The following CNTNAP4 variants were observed in gnomAD, a reference collection of about 807,000 sequenced individuals.
CNTNAP4 encodes the protein contactin associated protein family member 4, also known as contactin-associated protein-like 4.
In CNTNAP4, 98 loss-of-function variants were observed where a neutral mutation model predicts 148.4. That is an observed-to-expected ratio of 0.66 (90% CI 0.56 to 0.78). The LOEUF (loss-of-function observed/expected upper bound fraction) is 0.78, where lower values mean the gene tolerates loss of function less well. Ranked by LOEUF, CNTNAP4 falls within the 30% of genes least tolerant of loss-of-function variation. The pLI, the probability that CNTNAP4 is intolerant of heterozygous loss-of-function variation, is 0.00. For missense variants in CNTNAP4, 1,935 were observed against 1,565.6 expected (o/e 1.24, Z -3.98); for synonymous variants, 730 against 565.1 (o/e 1.29, Z -4.14).
At chr16:76,348,889 T>C (rs544274127) in intron 2 of CNTNAP4, among the ~76,000 whole-genome samples, 2 of 151,318 alleles carry the variant, frequency 1.3e-5, no homozygotes, top group Admixed American at 1.3e-4. Context: ...TCAAGAGAAG[T>C]TTTTTTTCTT....
intron 12 of CNTNAP4, among the ~76,000 whole-genome samples, chr16:76,484,226 A>G (rs146600146): frequency 0.016 from 2,015 of 124,456 alleles, 28 homozygotes; most frequent in Middle Eastern, 0.042. Context: ...AGGAGCTTAG[A>G]TTTTGAAATG....
At chr16:76,472,856 A>C (rs1286356380) in intron 10 of CNTNAP4, among the ~76,000 whole-genome samples, 2 of 152,120 alleles carry the variant, frequency 1.3e-5, no homozygotes. Flanking sequence ...AATGGGTACT[A>C]AGCTTTATAC....
At position 76,305,360 on chromosome 16, in the gene CNTNAP4, T is replaced by C. The variant is rs146819662; in HGVS notation, c.86-11053T>C. ...TTGAAGAACTAGATCGTAGATTGATTGATTTTGTTGTTATTGCATTTTCTA... is the reference window on the plus strand; with the variant it reads ...TTGAAGAACTAGATCGTAGATTGATCGATTTTGTTGTTATTGCATTTTCTA... On this transcript the variant is annotated intron_variant, in intron 1 of 23. Transcript: ENST00000611870. Among the ~76,000 whole-genome samples, 808 of 152,300 alleles carry C rather than the reference T, an allele frequency of 5.3e-3. 4 individuals are homozygous for C. Among genetic ancestry groups the C allele is most frequent in the African/African-American group, 0.019 (770 of 41,564 alleles).
At position 76,544,209 on chromosome 16, in the gene CNTNAP4, C is replaced by T. The variant is rs1377486582; in HGVS notation, c.3442+3419C>T. 6.6e-5 allele frequency among the ~76,000 whole-genome samples: 10 copies of T among 150,914 alleles called. 1 individual carries two copies. Reference sequence around the variant, plus strand: ...CTAAGGGAGTAGCATATAAACATTGCCTTTTTTTTTTTTGGAGTTGTAATT... The same window carrying T: ...CTAAGGGAGTAGCATATAAACATTGTCTTTTTTTTTTTTGGAGTTGTAATT... On this transcript the variant is annotated intron_variant, in intron 21 of 23. Coordinates refer to ENST00000611870, the MANE Select transcript of CNTNAP4 (RefSeq NM_033401.5).
chr16:76,549,972 A>T (rs1210268377), intron 21 of CNTNAP4, among the ~76,000 whole-genome samples: 3 of 152,250 alleles, frequency 2.0e-5, no homozygotes, highest in African/African-American at 7.2e-5. Context: ...ATCATGTTCT[A>T]TGCAGAATAC....
chr16:76,317,023 T>C (rs2144097722), intron 2 of CNTNAP4, among the ~76,000 whole-genome samples: 1 of 152,168 alleles, frequency 6.6e-6, no homozygotes, highest in East Asian at 1.9e-4. Context: ...GCCAACACTT[T>C]AGGAGGCTGA....
At chr16:76,406,891 T>A (rs2078615943) in intron 3 of CNTNAP4, among the ~76,000 whole-genome samples, 1 of 152,160 alleles carries the variant, frequency 6.6e-6, no homozygotes, top group South Asian at 2.1e-4. Context: ...ATCCTTAGGA[T>A]GAAGCTGCAG....
chr16:76,348,880 C>T (rs1335567233), intron 2 of CNTNAP4, among the ~76,000 whole-genome samples: 1 of 150,760 alleles, frequency 6.6e-6, no homozygotes, highest in Non-Finnish European at 1.5e-5. Context: ...AGAATGGGGT[C>T]AAGAGAAGTT....
intron 15 of CNTNAP4, among the ~76,000 whole-genome samples, 171 bp from the exon 16 acceptor site, chr16:76,520,969 A>G (rs1037016761): frequency 3.3e-5 from 5 of 152,168 alleles, no homozygotes; most frequent in Non-Finnish European, 4.4e-5. Context: ...CTCTTATGAT[A>G]TACTCATATC....
chr16:76,495,537 T>C (rs1249499737), intron 14 of CNTNAP4, among the ~76,000 whole-genome samples: 3 of 152,080 alleles, frequency 2.0e-5, no homozygotes, highest in African/African-American at 7.2e-5. Flanking sequence ...CTGTGGATTA[T>C]ATTTTGAAAA....
chr16:76,443,347 C>T (rs1253193628), intron 4 of CNTNAP4, among the ~76,000 whole-genome samples: 3 of 152,054 alleles, frequency 2.0e-5, no homozygotes, highest in Non-Finnish European at 4.4e-5. Flanking sequence ...TCTACTTTTC[C>T]TATTTATACA....
At chr16:76,441,025 G>A (rs1313201376) in intron 4 of CNTNAP4, among the ~76,000 whole-genome samples, 1 of 152,028 alleles carries the variant, frequency 6.6e-6, no homozygotes, top group Middle Eastern at 3.2e-3. Flanking sequence ...TGCTCAAGAA[G>A]GTAAAGCGTT....
chr16:76,297,893 A>T (rs1038308499), intron 1 of CNTNAP4, among the ~76,000 whole-genome samples: 1 of 152,212 alleles, frequency 6.6e-6, no homozygotes, highest in Non-Finnish European at 1.5e-5. Context: ...CTAAATTAGA[A>T]TCAGAAATAG....
intron 23 of CNTNAP4, 101 bp downstream of exon 23, chr16:76,554,008 A>G: frequency 1.4e-6 from 1 of 713,050 alleles, no homozygotes; most frequent in Non-Finnish European, 2.4e-6. Context: ...CACATACTCC[A>G]AGTGCCAGGC....
At chr16:76,514,924 T>C (rs1348780048) in intron 15 of CNTNAP4, among the ~76,000 whole-genome samples, 1 of 152,198 alleles carries the variant, frequency 6.6e-6, no homozygotes, top group African/African-American at 2.4e-5. Flanking sequence ...TAAAATATTC[T>C]TCACATCAGC....
Position 76,557,329 on chromosome 16 carries a change from T to C in CNTNAP4, c.3734-1161T>C, listed in dbSNP as rs111721049. On this transcript the variant is annotated intron_variant, in intron 23 of 23. Transcript: ENST00000611870. Reference sequence around the variant, plus strand: ...CAAGTCTGAACAACCATAGTTTGTCTGTTAGTCATTCTTTCAAATAAAAAT... The same window carrying C: ...CAAGTCTGAACAACCATAGTTTGTCCGTTAGTCATTCTTTCAAATAAAAAT... 6.6e-5 allele frequency: 10 copies of C among 152,334 alleles called. 1 individual carries two copies. The highest frequency in any genetic ancestry group is 2.4e-4 in the African/African-American group (10 of 41,592). The allele number at this position is 152,334 out of a possible 1,614,324, so 9.4% of individuals were successfully genotyped here.
Position 76,509,434 on chromosome 16 carries a change from G to T in CNTNAP4, c.2365+10740G>T, listed in dbSNP as rs147881719. On this transcript the variant is annotated intron_variant, in intron 15 of 23. Coordinates refer to ENST00000611870, the MANE Select transcript of CNTNAP4 (RefSeq NM_033401.5). ...CAAAATAATTTTAAAAAGAGGTTGA[G>T]AAATGAATTTATAAAACTTTATTCA... is the stretch of plus-strand genomic sequence containing the variant. Among the ~76,000 whole-genome samples the T allele has an allele frequency of 4.7e-3, 458 of 97,656 alleles. 79 individuals carry two copies. The highest frequency in any genetic ancestry group is 0.011 in the African/African-American group (429 of 38,944). The allele number at this position is 97,656 out of a possible 152,430, so 64.1% of individuals were successfully genotyped here.
At chr16:76,391,068 C>G (rs975973385) in intron 3 of CNTNAP4, among the ~76,000 whole-genome samples, 1 of 152,146 alleles carries the variant, frequency 6.6e-6, no homozygotes, top group African/African-American at 2.4e-5. Flanking sequence ...TGACTATAGT[C>G]ACCCTATTGT....
rs537625249 is a variant in CNTNAP4, at chr16:76,284,177, C to G, written c.85+6430C>G. On this transcript the variant is annotated intron_variant, in intron 1 of 23. Transcript: ENST00000611870. The stretch of plus-strand genomic sequence containing the variant: ...ATGATAGGGAAGGGTTGACCCATCA[C>G]AGTGTATGTGCTTAAATAGGAGATG... 1.9e-3 allele frequency among the ~76,000 whole-genome samples: 284 copies of G among 152,010 alleles called. 2 individuals carry two copies. Among genetic ancestry groups the G allele is most frequent in the African/African-American group, 5.9e-3 (245 of 41,506 alleles).
Sources: allele counts gnomAD v4.1 joint callset (sites outside exome capture counted in the v4.1 genomes callset), GRCh38; gene constraint gnomAD v4.1.1; transcripts MANE v1.5; gene names NCBI Gene and HGNC (gene_info 2026-07-23, HGNC 2026-07-21).